The following PLCL1 variants were observed in gnomAD, a reference collection of about 807,000 sequenced individuals.
PLCL1 encodes phospholipase C like 1 (inactive).
Under a neutral mutation model 84.4 loss-of-function variants are expected in PLCL1, and 41 were observed. The ratio of observed to expected loss-of-function variants is 0.49; its 90% CI spans 0.38 to 0.63. PLCL1 has a LOEUF of 0.63. Ranked by LOEUF, PLCL1 falls within the 30% of genes least tolerant of loss-of-function variation. PLCL1 has a pLI of 0.00. For synonymous variants in PLCL1, 490 were observed against 488.3 expected, an observed-to-expected ratio of 1.00 and a Z score of -0.05; for missense variants, 1,206 against 1,367.8, an observed-to-expected ratio of 0.88 and a Z score of 1.87.
At chr2:197,830,917 AAGC>A (rs1676570516) in intron 1 of PLCL1, among the ~76,000 whole-genome samples, 1 of 152,184 alleles carries the variant, frequency 6.6e-6, no homozygotes, top group South Asian at 2.1e-4. Flanking sequence ...CAGCCAAACT[AAGC>A]TTCATAAATG....
chr2:197,876,356 G>A (rs1056859385), intron 1 of PLCL1, among the ~76,000 whole-genome samples: 3 of 152,204 alleles, frequency 2.0e-5, no homozygotes, highest in Middle Eastern at 3.4e-3. Flanking sequence ...AGGGGATCCC[G>A]GAATCTAATC....
intron 1 of PLCL1, among the ~76,000 whole-genome samples, chr2:197,928,202 A>G (rs1048633133): frequency 1.3e-5 from 2 of 152,142 alleles, no homozygotes; most frequent in Non-Finnish European, 2.9e-5. Flanking sequence ...CCAGAATGAT[A>G]TATGTATTAG....
intron 1 of PLCL1, among the ~76,000 whole-genome samples, chr2:197,916,931 A>G (rs1010877226): frequency 3.9e-5 from 6 of 152,164 alleles, no homozygotes; most frequent in African/African-American, 7.2e-5. Flanking sequence ...TGTAGATGAG[A>G]ATTGCAAATT....
At position 198,148,353 on chromosome 2, in the gene PLCL1, C is replaced by T. The variant is rs1694576741; in HGVS notation, c.*1391C>T. On this transcript the variant is annotated 3_prime_UTR_variant, in exon 6 of 6. Transcript: ENST00000428675. Reference sequence around the variant, plus strand: ...TTCTGTGTTATTTCTGACTTCTTAACACTATTATGTTTATGTTGCACATTA... The same window carrying T: ...TTCTGTGTTATTTCTGACTTCTTAATACTATTATGTTTATGTTGCACATTA... 6.6e-6 allele frequency: 1 copy of T among 152,198 alleles called. No individual in the cohort carries two copies. The highest frequency in any genetic ancestry group is 1.5e-5 in the Non-Finnish European group (1 of 68,022). 9.4% of individuals were successfully genotyped at this position (152,198 alleles called of 1,614,324 possible). A position where few individuals can be genotyped will look rare whatever the true frequency, so the allele number is the denominator to read the frequency against.
intron 1 of PLCL1, among the ~76,000 whole-genome samples, chr2:197,809,384 C>T (rs555510512): frequency 4.7e-4 from 71 of 152,316 alleles, no homozygotes; most frequent in Non-Finnish European, 7.4e-4. Context: ...ATCAACACTT[C>T]TAGGTTTGAA....
chr2:198,118,582 A>G (rs1179673987), intron 5 of PLCL1, among the ~76,000 whole-genome samples: 1 of 152,050 alleles, frequency 6.6e-6, no homozygotes, highest in Non-Finnish European at 1.5e-5. Flanking sequence ...GTTAAACATC[A>G]GCACAACCAG....
At chr2:198,033,833 CTCT>C (rs1288162395) in intron 1 of PLCL1, among the ~76,000 whole-genome samples, 2 of 152,090 alleles carry the variant, frequency 1.3e-5, no homozygotes, top group Non-Finnish European at 2.9e-5. Flanking sequence ...GTTTCCAGCC[CTCT>C]TCTTTATATT....
At chr2:197,933,772 T>C (rs938541328) in intron 1 of PLCL1, among the ~76,000 whole-genome samples, 1 of 152,168 alleles carries the variant, frequency 6.6e-6, no homozygotes, top group African/African-American at 2.4e-5. Context: ...TCTTATTCTA[T>C]ATTAAATGCT....
chr2:197,825,954 C>T (rs2106421609), intron 1 of PLCL1, among the ~76,000 whole-genome samples: 1 of 152,186 alleles, frequency 6.6e-6, no homozygotes, highest in East Asian at 1.9e-4. Flanking sequence ...ATTTATCTAG[C>T]AGTTCCTCTA....
At chr2:197,849,101 T>G (rs1386110439) in intron 1 of PLCL1, among the ~76,000 whole-genome samples, 1 of 145,182 alleles carries the variant, frequency 6.9e-6, no homozygotes, top group Non-Finnish European at 1.5e-5. Flanking sequence ...ATTGGCAAGG[T>G]GGAGACAAAC....
At chr2:197,920,156 A>G (rs1688676789) in intron 1 of PLCL1, among the ~76,000 whole-genome samples, 1 of 152,132 alleles carries the variant, frequency 6.6e-6, no homozygotes, top group Admixed American at 6.5e-5. Context: ...CCGTCAAATT[A>G]AACTTTTGAA....
chr2:197,990,507 A>G (rs1690318288), intron 1 of PLCL1, among the ~76,000 whole-genome samples: 1 of 152,214 alleles, frequency 6.6e-6, no homozygotes, highest in Non-Finnish European at 1.5e-5. Flanking sequence ...GAGGCCTCAC[A>G]ATCATGGCAG....
At chr2:197,922,376 G>C (rs1688719326) in intron 1 of PLCL1, among the ~76,000 whole-genome samples, 1 of 101,136 alleles carries the variant, frequency 9.9e-6, no homozygotes, top group Non-Finnish European at 2.1e-5. Context: ...ATTTTTCTTA[G>C]TGCAGAACAA....
At chr2:198,125,443 A>G (rs1434673006) in intron 5 of PLCL1, among the ~76,000 whole-genome samples, 1 of 152,162 alleles carries the variant, frequency 6.6e-6, no homozygotes, top group African/African-American at 2.4e-5. Context: ...AGATATGAGG[A>G]GTATTGGAAT....
chr2:198,020,491 C>T (rs899826481), intron 1 of PLCL1, among the ~76,000 whole-genome samples: 1 of 151,482 alleles, frequency 6.6e-6, no homozygotes, highest in Admixed American at 6.6e-5. Context: ...TTCAGGAGAC[C>T]CATCTCATGT....
At chr2:197,979,890 T>A (rs1690068615) in intron 1 of PLCL1, among the ~76,000 whole-genome samples, 3 of 152,222 alleles carry the variant, frequency 2.0e-5, no homozygotes, top group Non-Finnish European at 4.4e-5. Context: ...CCTTTCTGTG[T>A]TCCTATACCA....
At chr2:198,024,304 G>A (rs1467037787) in intron 1 of PLCL1, among the ~76,000 whole-genome samples, 4 of 151,980 alleles carry the variant, frequency 2.6e-5, no homozygotes, top group Non-Finnish European at 5.9e-5. Flanking sequence ...GTGGATGACG[G>A]GTTGATGGGT....
intron 1 of PLCL1, among the ~76,000 whole-genome samples, chr2:197,835,802 A>C (rs1691175151): frequency 6.6e-6 from 1 of 152,246 alleles, no homozygotes; most frequent in Non-Finnish European, 1.5e-5. Context: ...ATGTTCTCAA[A>C]GTATTCTTAT....
At chr2:198,103,252 T>C (rs1290361410) in intron 4 of PLCL1, among the ~76,000 whole-genome samples, 1 of 152,020 alleles carries the variant, frequency 6.6e-6, no homozygotes, top group Admixed American at 6.6e-5. Flanking sequence ...GTTGGAATAA[T>C]TTGCTTCTTA....
Sources: gnomAD v4.1 joint callset for allele counts (sites outside exome capture counted in the v4.1 genomes callset) on GRCh38, gnomAD v4.1.1 for gene constraint, MANE v1.5 for transcripts, NCBI Gene and HGNC (gene_info 2026-07-23, HGNC 2026-07-21) for gene names.